Variants in PTPRG observed in about 807,000 individuals in gnomAD.
PTPRG encodes the protein receptor-type tyrosine-protein phosphatase gamma.
PTPRG carries 102 observed loss-of-function variants against 165.3 expected under a neutral mutation model. The ratio of observed to expected loss-of-function variants is 0.62; its 90% CI spans 0.53 to 0.73. PTPRG has a LOEUF of 0.73. Ranked by LOEUF, PTPRG falls within the 30% of genes least tolerant of loss-of-function variation. The probability of loss-of-function intolerance (pLI) is 0.00; values close to 1 mark genes in which losing one functional copy is unlikely to be tolerated. For missense variants in PTPRG, 1,866 were observed against 1,861.4 expected, an observed-to-expected ratio of 1.00 and a Z score of -0.05; for synonymous variants, 675 against 669.5, an observed-to-expected ratio of 1.01 and a Z score of -0.13.
chr3:62,019,863 A>G (rs969679083), intron 4 of PTPRG, among the ~76,000 whole-genome samples: 35 of 152,212 alleles, frequency 2.3e-4, no homozygotes, highest in Admixed American at 1.7e-3. Flanking sequence ...TACTTAGAGT[A>G]CTTAACATGC....
intron 3 of PTPRG, among the ~76,000 whole-genome samples, chr3:61,991,132 C>T (rs1009058166): frequency 6.6e-6 from 1 of 152,146 alleles, no homozygotes; most frequent in Non-Finnish European, 1.5e-5. Context: ...GCAGGTGACC[C>T]TCTCCTGTAC....
chr3:61,665,226 G>C (rs766398940), intron 1 of PTPRG, among the ~76,000 whole-genome samples: 4 of 152,144 alleles, frequency 2.6e-5, no homozygotes, highest in Non-Finnish European at 5.9e-5. Context: ...ATAAGAAATG[G>C]GGAGCTAAGA....
intron 2 of PTPRG, among the ~76,000 whole-genome samples, chr3:61,763,233 C>A (rs1290588725): frequency 2.0e-5 from 3 of 151,826 alleles, no homozygotes; most frequent in African/African-American, 7.3e-5. Flanking sequence ...CCCTTGTCAT[C>A]ATTTTCAGGT....
intron 10 of PTPRG, among the ~76,000 whole-genome samples, chr3:62,199,286 C>A (rs549792603): frequency 1.3e-5 from 2 of 152,264 alleles, no homozygotes; most frequent in South Asian, 4.1e-4. Context: ...CTGGGACCTA[C>A]ACACGTTTGA....
chr3:62,093,225 A>T (rs1413302094), intron 5 of PTPRG, among the ~76,000 whole-genome samples: 1 of 152,198 alleles, frequency 6.6e-6, no homozygotes, highest in African/African-American at 2.4e-5. Context: ...CCCGGCTCCT[A>T]TCAGGCTAGC....
At chr3:62,039,269 GT>G (rs5849458) in intron 4 of PTPRG, among the ~76,000 whole-genome samples, 53,062 of 144,042 alleles carry the variant, frequency 0.37, 9,969 homozygotes, top group African/African-American at 0.45. Context: ...TTTTGTTTTT[GT>G]TTTTTTTTTT....
intron 5 of PTPRG, among the ~76,000 whole-genome samples, chr3:62,111,698 C>G (rs528073120): frequency 6.6e-6 from 1 of 152,178 alleles, no homozygotes; most frequent in South Asian, 2.1e-4. Context: ...ACCCTCTGGC[C>G]TCGGCCTCCC....
At chr3:61,888,608 C>G (rs769853136) in intron 2 of PTPRG, among the ~76,000 whole-genome samples, 1 of 152,090 alleles carries the variant, frequency 6.6e-6, no homozygotes, top group African/African-American at 2.4e-5. Flanking sequence ...TGGGATTACA[C>G]GCTTGAGCCA....
intron 4 of PTPRG, among the ~76,000 whole-genome samples, chr3:62,052,531 A>G (rs1452647446): frequency 6.6e-6 from 1 of 152,138 alleles, no homozygotes. Context: ...GCATCTCTAC[A>G]AAAAAATTTA....
chr3:62,293,048 A>G (rs530569797), intron 29 of PTPRG, 113 bp from the exon 30 acceptor site: 7 of 888,520 alleles, frequency 7.9e-6, no homozygotes, highest in Non-Finnish European at 1.2e-5. Flanking sequence ...CATTTATGCT[A>G]TTGCTGTTTC....
chr3:62,144,369 T>C (rs1704042357), intron 6 of PTPRG, among the ~76,000 whole-genome samples: 1 of 152,222 alleles, frequency 6.6e-6, no homozygotes, highest in Non-Finnish European at 1.5e-5. Flanking sequence ...GCCAAGATCA[T>C]CACATGTTTC....
chr3:61,698,437 A>G (rs968678367), intron 1 of PTPRG, among the ~76,000 whole-genome samples: 2 of 152,176 alleles, frequency 1.3e-5, no homozygotes, highest in African/African-American at 2.4e-5. Context: ...CTTTGTTCCA[A>G]TAAAACTTTA....
chr3:61,631,575 G>T (rs1701776599), intron 1 of PTPRG, among the ~76,000 whole-genome samples: 1 of 152,016 alleles, frequency 6.6e-6, no homozygotes, highest in African/African-American at 2.4e-5. Context: ...ATCCACTAGG[G>T]GTCTCAGAAT....
intron 6 of PTPRG, among the ~76,000 whole-genome samples, chr3:62,134,490 G>C (rs115738930): frequency 0.052 from 7,918 of 152,228 alleles, 225 homozygotes; most frequent in South Asian, 0.076. Context: ...TGTCGGGAGA[G>C]TTCTTCCTTC....
chr3:61,593,689 A>G (rs1700628680), intron 1 of PTPRG, among the ~76,000 whole-genome samples: 1 of 145,600 alleles, frequency 6.9e-6, no homozygotes, highest in South Asian at 2.3e-4. Context: ...GAAGTTAGAA[A>G]AGGGGGTCAG....
At chr3:62,087,993 A>G (rs1282222705) in intron 5 of PTPRG, among the ~76,000 whole-genome samples, 1 of 152,218 alleles carries the variant, frequency 6.6e-6, no homozygotes, top group Non-Finnish European at 1.5e-5. Context: ...TATAAAGAGT[A>G]TAGAATAAAT....
intron 5 of PTPRG, among the ~76,000 whole-genome samples, chr3:62,095,980 C>A (rs1256072779): frequency 6.6e-6 from 1 of 152,084 alleles, no homozygotes; most frequent in Non-Finnish European, 1.5e-5. Flanking sequence ...AGGCCATCAG[C>A]CCTAGACTTT....
intron 1 of PTPRG, among the ~76,000 whole-genome samples, chr3:61,633,205 G>T (rs1701816148): frequency 1.3e-5 from 2 of 152,164 alleles, no homozygotes; most frequent in African/African-American, 4.8e-5. Flanking sequence ...TTTGTATGTT[G>T]TCTTGTATTC....
rs1701139077 is a variant in PTPRG, at chr3:62,240,662, C to T, written c.2376-3145C>T. On this transcript the variant is annotated intron_variant, in intron 14 of 29. Coordinates refer to ENST00000474889, the MANE Select transcript of PTPRG (RefSeq NM_002841.4). This position sits in a 1 kb window ranked among gnomAD's most constrained non-coding sequence, Gnocchi z 5.1. Reference sequence around the variant, plus strand: ...TTGCTTTCCACAGCCTTTCCCTTGCCTCTGGCTTCCTTCCAGTTTCCTAAA... The same window carrying T: ...TTGCTTTCCACAGCCTTTCCCTTGCTTCTGGCTTCCTTCCAGTTTCCTAAA... Among the ~76,000 whole-genome samples, 1 of 152,212 alleles carries T rather than the reference C, an allele frequency of 6.6e-6. No homozygotes were observed. Among genetic ancestry groups the T allele is most frequent in the South Asian group, 2.1e-4 (1 of 4,830 alleles).
Sources: gnomAD v4.1 joint callset for allele counts (sites outside exome capture counted in the v4.1 genomes callset) on GRCh38, gnomAD v4.1.1 for gene constraint, Gnocchi (gnomAD v3.1) non-coding constraint, MANE v1.5 for transcripts, NCBI Gene and HGNC (gene_info 2026-07-23, HGNC 2026-07-21) for gene names.